The following SCUBE1 variants were observed in gnomAD, a reference collection of about 807,000 sequenced individuals.
SCUBE1 encodes signal peptide, CUB domain and EGF like domain containing 1.
Under a neutral mutation model 124.4 loss-of-function variants are expected in SCUBE1, and 59 were observed. The ratio of observed to expected loss-of-function variants is 0.47; its 90% CI spans 0.38 to 0.59. The LOEUF (loss-of-function observed/expected upper bound fraction) is 0.59, where lower values mean the gene tolerates loss of function less well. Among genes scored for constraint, SCUBE1 ranks in the 20% least tolerant of loss-of-function variants. The pLI, the probability that SCUBE1 is intolerant of heterozygous loss-of-function variation, is 0.00. For synonymous variants in SCUBE1, 545 were observed against 550.9 expected, an observed-to-expected ratio of 0.99 and a Z score of 0.15; for missense variants, 1,150 against 1,371.2, an observed-to-expected ratio of 0.84 and a Z score of 2.55.
At chr22:43,291,374 ACT>A (rs1569016011) in intron 3 of SCUBE1, among the ~76,000 whole-genome samples, 194 bp from the exon 4 acceptor site, 1 of 152,168 alleles carries the variant, frequency 6.6e-6, no homozygotes, top group African/African-American at 2.4e-5. Flanking sequence ...CCATGGTGGC[ACT>A]CTACAGTGGG....
intron 7 of SCUBE1, chr22:43,233,335 G>C (rs1041499334): frequency 1.3e-5 from 2 of 152,292 alleles, no homozygotes; most frequent in African/African-American, 4.8e-5. Context: ...TTGCATTCCA[G>C]CCTGGGCAAC....
Position 43,287,492 on chromosome 22 carries a change from C to G in SCUBE1, c.484+3554G>C, listed in dbSNP as rs545019727. ...AGCCTAGCCAGGGTCGCAGCCATGC[C>G]TTGGCCCAGGGTGTGCTCTGGCGCC... On this transcript the variant is annotated intron_variant, in intron 4 of 21. Coordinates refer to ENST00000360835, the MANE Select transcript of SCUBE1 (RefSeq NM_173050.5). Among the ~76,000 whole-genome samples, 3 of 152,246 alleles carry G rather than the reference C, an allele frequency of 2.0e-5. No homozygotes were observed. In the East Asian group the frequency reaches 5.8e-4, roughly 29 times the overall value.
chr22:43,222,812 CTCAGAGGGATT>C, intron 11 of SCUBE1, 70 bp from the exon 12 acceptor site: 1 of 1,241,940 alleles, frequency 8.1e-7, no homozygotes, highest in Non-Finnish European at 1.2e-6. Flanking sequence ...TTCTTGGGGC[CTCAGAGGGATT>C]GTGGAGTGAG....
chr22:43,241,584 G>A (rs1478833020), intron 6 of SCUBE1, among the ~76,000 whole-genome samples: 3 of 152,026 alleles, frequency 2.0e-5, no homozygotes, highest in East Asian at 1.9e-4. Flanking sequence ...TCCTCCCCCA[G>A]TGCTCCCTGT....
chr22:43,283,094 C>T (rs906415494), intron 4 of SCUBE1: 1 of 152,572 alleles, frequency 6.6e-6, no homozygotes, highest in South Asian at 2.1e-4. Context: ...GCCCCTGGCC[C>T]TGCTCCTCAT....
intron 4 of SCUBE1, among the ~76,000 whole-genome samples, chr22:43,285,185 G>T (rs776592018): frequency 8.5e-5 from 13 of 152,188 alleles, no homozygotes; most frequent in Non-Finnish European, 1.6e-4. Flanking sequence ...GACCCCTATT[G>T]TCTGGCCCCC....
rs752721800 is a variant in SCUBE1, at chr22:43,208,228, C to T, written c.2582-4G>A. On this transcript the variant is annotated splice_region_variant and splice_polypyrimidine_tract_variant and intron_variant, in intron 19 of 21. Transcript: ENST00000360835. ...GTGGTGATGGACGTGGGAGAGGCTG[C>T]GGGTGAAGCATCATTGCTGAGCTGC... 23 of 1,613,408 alleles carry T rather than the reference C, an allele frequency of 1.4e-5. No homozygotes were observed. Among genetic ancestry groups the T allele is most frequent in the Middle Eastern group, 1.7e-4 (1 of 6,040 alleles).
intron 21 of SCUBE1, among the ~76,000 whole-genome samples, chr22:43,206,803 G>T (rs550289614): frequency 6.6e-6 from 1 of 152,330 alleles, no homozygotes; most frequent in South Asian, 2.1e-4. Context: ...GGGGGACAGA[G>T]ATTGCGGGGA....
chr22:43,292,529 G>A lies in SCUBE1; in HGVS notation c.350-1349C>T, dbSNP rs559305282. Among the ~76,000 whole-genome samples, 4 of 144,520 alleles carry A rather than the reference G, an allele frequency of 2.8e-5. No individual in the cohort carries two copies. The East Asian group carries it at 8.3e-4, about 30-fold the overall frequency. 94.8% of individuals were successfully genotyped at this position (144,520 alleles called of 152,430 possible). On this transcript the variant is annotated intron_variant, in intron 3 of 21. Transcript: ENST00000360835. ...ACCACAAAGGCGGCGTGAGCTACTGGCTGCTTCTAGCCAATCCCCGGTCCC... is the reference window on the plus strand; with the variant it reads ...ACCACAAAGGCGGCGTGAGCTACTGACTGCTTCTAGCCAATCCCCGGTCCC...
intron 16 of SCUBE1, 71 bp downstream of exon 16, chr22:43,214,019 G>A (rs1043122739): frequency 2.0e-5 from 25 of 1,268,226 alleles, no homozygotes; most frequent in South Asian, 2.9e-5. Flanking sequence ...TCGACAGGAG[G>A]GCCTCATCAG....
At chr22:43,341,386 T>G (rs1388184575) in intron 1 of SCUBE1, among the ~76,000 whole-genome samples, 1 of 152,144 alleles carries the variant, frequency 6.6e-6, no homozygotes, top group Non-Finnish European at 1.5e-5. Flanking sequence ...TCTCCAGGCT[T>G]CTGTTTGGGA....
At chr22:43,332,037 A>G (rs1926919943) in intron 2 of SCUBE1, among the ~76,000 whole-genome samples, 1 of 152,240 alleles carries the variant, frequency 6.6e-6, no homozygotes, top group African/African-American at 2.4e-5. Flanking sequence ...CTATAATCCC[A>G]GCACTTTGGG....
In SCUBE1 at chr22:43,244,860, G is replaced by C. The variant is rs146732521; in HGVS notation, c.728-5906C>G. On this transcript the variant is annotated intron_variant, in intron 6 of 21. Coordinates refer to ENST00000360835, the MANE Select transcript of SCUBE1 (RefSeq NM_173050.5). The stretch of plus-strand genomic sequence containing the variant: ...TCCCTGCCCCTCAGTGGCCTACCCT[G>C]ATGATGGGGGCAGCCCGGGGTCCTC... 5.3e-3 allele frequency among the ~76,000 whole-genome samples: 807 copies of C among 152,382 alleles called. 4 individuals carry two copies. Among genetic ancestry groups the C allele is most frequent in the Non-Finnish European group, 8.3e-3 (568 of 68,038 alleles).
intron 2 of SCUBE1, among the ~76,000 whole-genome samples, chr22:43,330,669 C>T (rs1479168697): frequency 1.3e-5 from 2 of 152,206 alleles, no homozygotes; most frequent in Non-Finnish European, 2.9e-5. Context: ...GGTGAACTTG[C>T]CTCCAGTGTT....
intron 2 of SCUBE1, among the ~76,000 whole-genome samples, chr22:43,333,780 T>G (rs1183273489): frequency 6.6e-6 from 1 of 152,212 alleles, no homozygotes; most frequent in Non-Finnish European, 1.5e-5. Context: ...CTATCAACTG[T>G]GTAACCTTTG....
chr22:43,289,095 C>G (rs1242833821), intron 4 of SCUBE1, among the ~76,000 whole-genome samples: 3 of 152,224 alleles, frequency 2.0e-5, no homozygotes, highest in Non-Finnish European at 4.4e-5. Flanking sequence ...AGCCGGGCTT[C>G]AAAGGAACAG....
chr22:43,207,928 G>A, intron 20 of SCUBE1, 144 bp downstream of exon 20: 1 of 957,402 alleles, frequency 1.0e-6, no homozygotes, highest in Non-Finnish European at 1.6e-6. Flanking sequence ...GTCTGGCTCT[G>A]GCCCCTGACA....
At chr22:43,270,903 C>T (rs923491521) in intron 4 of SCUBE1, among the ~76,000 whole-genome samples, 1 of 152,224 alleles carries the variant, frequency 6.6e-6, no homozygotes, top group Non-Finnish European at 1.5e-5. Flanking sequence ...TGAAAGTTCT[C>T]AGCATGGGAC....
At chr22:43,262,460 C>T (rs1298774495) in intron 5 of SCUBE1, among the ~76,000 whole-genome samples, 2 of 152,184 alleles carry the variant, frequency 1.3e-5, no homozygotes, top group Admixed American at 1.3e-4. Context: ...AGCTTAGGCT[C>T]AGGGGCTGCC....
Sources: gnomAD v4.1 joint callset for allele counts (sites outside exome capture counted in the v4.1 genomes callset) on GRCh38, gnomAD v4.1.1 for gene constraint, MANE v1.5 for transcripts, NCBI Gene and HGNC (gene_info 2026-07-23, HGNC 2026-07-21) for gene names.